SFMBT2: variants seen among roughly 807,000 people sequenced by gnomAD.
SFMBT2 encodes Scm like with four mbt domains 2.
In SFMBT2, 38 loss-of-function variants were observed where a neutral mutation model predicts 110.1. The ratio of observed to expected loss-of-function variants is 0.35; its 90% CI spans 0.27 to 0.45. The LOEUF (loss-of-function observed/expected upper bound fraction) is 0.45, where lower values mean the gene tolerates loss of function less well. SFMBT2 is among the 20% of genes least tolerant of loss of function. The probability of loss-of-function intolerance (pLI) is 1.00; values close to 1 mark genes in which losing one functional copy is unlikely to be tolerated. For missense variants in SFMBT2, 1,011 were observed against 1,094.9 expected, an observed-to-expected ratio of 0.92 and a Z score of 1.08; for synonymous variants, 425 against 425.4, an observed-to-expected ratio of 1.00 and a Z score of 0.01.
intron 4 of SFMBT2, among the ~76,000 whole-genome samples, chr10:7,341,609 C>A (rs1307519683): frequency 1.3e-5 from 2 of 152,170 alleles, no homozygotes; most frequent in Non-Finnish European, 2.9e-5. Context: ...TTGTAGAAAT[C>A]ATTTCGTAAA....
rs144359573 is a variant in SFMBT2 at position 7,206,866 on chromosome 10, G to A, written c.1331-938C>T. 56 of 984,738 alleles carry A rather than the reference G, an allele frequency of 5.7e-5. No homozygotes were observed. The Middle Eastern group carries it at 1.6e-3, about 28-fold the overall frequency. 61.0% of individuals were successfully genotyped at this position (984,738 alleles called of 1,614,324 possible). A position where few individuals can be genotyped will look rare whatever the true frequency, so the allele number is the denominator to read the frequency against. ...AGAGATCAGAGCTCCATTAATAGAC[G>A]GTGACCCATGGACTCTGACCCCTTA... On this transcript the variant is annotated intron_variant, in intron 11 of 20. Coordinates refer to ENST00000397167, the MANE Select transcript of SFMBT2 (RefSeq NM_001387889.1).
Position 7,263,385 on chromosome 10 carries a change from C to G in SFMBT2, c.870+13507G>C, listed in dbSNP as rs140890729. Among the ~76,000 whole-genome samples the G allele has an allele frequency of 4.6e-3, 705 of 152,238 alleles. 3 individuals are homozygous for G. Among genetic ancestry groups the G allele is most frequent in the African/African-American group, 0.016 (665 of 41,524 alleles). On this transcript the variant is annotated intron_variant, in intron 7 of 20. Coordinates refer to ENST00000397167, the MANE Select transcript of SFMBT2 (RefSeq NM_001387889.1). Reference sequence around the variant, plus strand: ...ACCTCCCGAGTAGGTGGACTACAGGCACGTGCCACTAATGCCCAGGAAATT... The same window carrying G: ...ACCTCCCGAGTAGGTGGACTACAGGGACGTGCCACTAATGCCCAGGAAATT...
chr10:7,319,752 GAGAGAGAC>G (rs1167011640), intron 4 of SFMBT2, among the ~76,000 whole-genome samples: 5 of 151,060 alleles, frequency 3.3e-5, no homozygotes, highest in African/African-American at 7.3e-5. Flanking sequence ...GAGACAGAGA[GAGAGAGAC>G]AGAGAGAGAC....
chr10:7,204,328 A>T, intron 12 of SFMBT2: 1 of 985,120 alleles, frequency 1.0e-6, no homozygotes, highest in Non-Finnish European at 1.2e-6. Context: ...CTGTGTTTCC[A>T]GCAACGTTGT....
chr10:7,401,757 A>T (rs1188751303), intron 1 of SFMBT2, among the ~76,000 whole-genome samples: 1 of 152,162 alleles, frequency 6.6e-6, no homozygotes, highest in Non-Finnish European at 1.5e-5. Context: ...CTGCAGGTAC[A>T]AATGCAAACA....
At chr10:7,285,228 A>C (rs981072433) in intron 5 of SFMBT2, 1 of 152,242 alleles carries the variant, frequency 6.6e-6, no homozygotes, top group African/African-American at 2.4e-5. Flanking sequence ...ATACAAATAC[A>C]AATACTACAT....
At chr10:7,296,800 C>T (rs1371202763) in intron 4 of SFMBT2, among the ~76,000 whole-genome samples, 1 of 152,188 alleles carries the variant, frequency 6.6e-6, no homozygotes, top group Non-Finnish European at 1.5e-5. Context: ...AGCAGGCCGT[C>T]CTCCCTGACG....
At chr10:7,332,991 C>T (rs35128519) in intron 4 of SFMBT2, among the ~76,000 whole-genome samples, 6,802 of 152,246 alleles carry the variant, frequency 0.045, 206 homozygotes, top group Non-Finnish European at 0.071. Context: ...CTCACCCTCC[C>T]GAGTAACTGG....
In SFMBT2 at chr10:7,368,450, G is replaced by A. The variant is rs79452469; in HGVS notation, c.196-561C>T. On this transcript the variant is annotated intron_variant, in intron 3 of 20. Coordinates refer to ENST00000397167, the MANE Select transcript of SFMBT2 (RefSeq NM_001387889.1). ...TTAACATTGCAAAGCTGACATATCC[G>A]CTGTCCGCAAGTGGCCACTGCTGAA... is the stretch of plus-strand genomic sequence containing the variant. 1.8e-3 allele frequency: 1,324 copies of A among 730,780 alleles called. 14 individuals carry two copies. The African/African-American group carries it at 0.02, about 11-fold the overall frequency. 45.3% of individuals were successfully genotyped at this position (730,780 alleles called of 1,614,324 possible).
intron 17 of SFMBT2, among the ~76,000 whole-genome samples, chr10:7,173,405 C>A (rs1392345740): frequency 6.6e-6 from 1 of 152,208 alleles, no homozygotes; most frequent in African/African-American, 2.4e-5. Context: ...GGGACTCCCC[C>A]AGCTCTTGGT....
intron 7 of SFMBT2, among the ~76,000 whole-genome samples, chr10:7,255,009 C>T (rs944101829): frequency 3.3e-5 from 5 of 152,188 alleles, no homozygotes; most frequent in African/African-American, 1.2e-4. Flanking sequence ...AATAAGCCAA[C>T]AGACAGAACT....
rs1024381263 is a variant in SFMBT2, at chr10:7,408,206, G to C, written c.-52+2655C>G. 6.6e-6 allele frequency among the ~76,000 whole-genome samples: 1 copy of C among 152,206 alleles called. No individual in the cohort carries two copies. The highest frequency in any genetic ancestry group is 1.5e-5 in the Non-Finnish European group (1 of 68,040). ...CATTTTAGGCTGCTCCCCACCTCGC[G>C]GGGCCCATGGGAAAGCCGGCCCCGG... is the stretch of plus-strand genomic sequence containing the variant. On this transcript the variant is annotated intron_variant, in intron 1 of 20. Transcript: ENST00000397167. The surrounding 1 kb of genome is among the most constrained non-coding windows in gnomAD (Gnocchi z 5.7).
intron 4 of SFMBT2, among the ~76,000 whole-genome samples, chr10:7,361,865 C>A (rs1013542074): frequency 6.6e-6 from 1 of 152,176 alleles, no homozygotes; most frequent in Non-Finnish European, 1.5e-5. Flanking sequence ...CCACGAGCAT[C>A]TTTTTGGGGG....
At chr10:7,341,657 T>C (rs977674133) in intron 4 of SFMBT2, among the ~76,000 whole-genome samples, 1 of 152,210 alleles carries the variant, frequency 6.6e-6, no homozygotes, top group Non-Finnish European at 1.5e-5. Context: ...TGGCAATTAT[T>C]CTACACACAC....
chr10:7,382,019 TTTG>T, intron 1 of SFMBT2, 70 bp from the exon 2 acceptor site: 1 of 871,274 alleles, frequency 1.1e-6, no homozygotes, highest in Non-Finnish European at 1.6e-6. Context: ...TATTTTTAAT[TTTG>T]TTTAAAAAAA....
intron 4 of SFMBT2, among the ~76,000 whole-genome samples, chr10:7,297,146 A>G (rs766368116): frequency 6.6e-6 from 1 of 152,186 alleles, no homozygotes; most frequent in Non-Finnish European, 1.5e-5. Flanking sequence ...AAGAATAAAA[A>G]CACTCCTAGA....
chr10:7,338,897 C>T (rs1843803125), intron 4 of SFMBT2, among the ~76,000 whole-genome samples: 1 of 152,138 alleles, frequency 6.6e-6, no homozygotes, highest in Non-Finnish European at 1.5e-5. Flanking sequence ...AGGGTAATGT[C>T]TGCTGTTCAG....
chr10:7,325,776 T>C (rs1366464409), intron 4 of SFMBT2, among the ~76,000 whole-genome samples: 1 of 152,216 alleles, frequency 6.6e-6, no homozygotes, highest in African/African-American at 2.4e-5. Flanking sequence ...AAGTGGCTGC[T>C]ATCGGGTAAC....
chr10:7,220,755 CCTAATA>C (rs1325567815), intron 10 of SFMBT2, among the ~76,000 whole-genome samples: 88 of 152,214 alleles, frequency 5.8e-4, no homozygotes, highest in African/African-American at 2.1e-3. Flanking sequence ...ATAGTAGGTG[CCTAATA>C]CTATTTGTTA....
Sources: allele counts gnomAD v4.1 joint callset (sites outside exome capture counted in the v4.1 genomes callset), GRCh38; gene constraint gnomAD v4.1.1; non-coding constraint Gnocchi (gnomAD v3.1); transcripts MANE v1.5; gene names NCBI Gene and HGNC (gene_info 2026-07-23, HGNC 2026-07-21).